KMT2A: variants seen among roughly 807,000 people sequenced by gnomAD.
KMT2A encodes histone-lysine N-methyltransferase 2A.
In KMT2A, 16 loss-of-function variants were observed where a neutral mutation model predicts 345.3. The ratio of observed to expected loss-of-function variants is 0.05; its 90% CI spans 0.03 to 0.07. KMT2A has a LOEUF of 0.07. Among genes scored for constraint, KMT2A ranks in the 10% least tolerant of loss-of-function variants. The pLI is 1.00. For synonymous variants in KMT2A, 1,599 were observed against 1,778.6 expected, an observed-to-expected ratio of 0.90 and a Z score of 2.54; for missense variants, 3,272 against 4,841.6, an observed-to-expected ratio of 0.68 and a Z score of 9.62.
In KMT2A at chr11:118,490,611, A is replaced by C. The variant is rs1006221973; in HGVS notation, c.4696+362A>C. ...AAAATATTAATATAACTAATACATT[A>C]AACCTGTTATATTACTGACTTAGGA... On this transcript the variant is annotated intron_variant, in intron 13 of 35. Transcript: ENST00000534358. This position sits in a 1 kb window ranked among gnomAD's most constrained non-coding sequence, Gnocchi z 4.2. Among the ~76,000 whole-genome samples the C allele has an allele frequency of 6.6e-6, 1 of 152,100 alleles. No homozygotes were observed. The highest frequency in any genetic ancestry group is 1.5e-5 in the Non-Finnish European group (1 of 68,014).
rs1555044474 is a variant in KMT2A, at chr11:118,497,945, C to T, written c.5674C>T (p.Arg1892Cys). Residue 1892 changes from arginine to cysteine, a missense_variant, in exon 21 of 36, where the codon CGT (arginine) becomes TGT (cysteine). Physicochemically the swap from Arg to Cys is radical, Grantham distance 180. Around this residue, in one of 27 missense-constraint regions of KMT2A, gnomAD observed 235 missense variants for 503.4 expected, o/e 0.47. Coordinates refer to ENST00000534358, the MANE Select transcript of KMT2A (RefSeq NM_001197104.2). The surrounding 1 kb of genome is among the most constrained non-coding windows in gnomAD (Gnocchi z 4.8). ...TCTCTTTATTTTATAGGATGCTGGT[C>T]GTTTACTATATATTGGCCAAAATGA... ...YGDDSANDAG[R>C]LLYIGQNEWT... 2 of 1,610,670 alleles carry T rather than the reference C, an allele frequency of 1.2e-6. No homozygotes were observed.
chr11:118,512,237 C>G, intron 31 of KMT2A: 1 of 577,510 alleles, frequency 1.7e-6, no homozygotes, highest in East Asian at 2.9e-5. Flanking sequence ...CACCACTACT[C>G]TATAATTCTA....
chr11:118,488,460 A>G (rs1368706362), intron 10 of KMT2A, 154 bp from the exon 11 acceptor site: 3 of 769,210 alleles, frequency 3.9e-6, no homozygotes, highest in Non-Finnish European at 4.5e-6. Flanking sequence ...CCAATACTGT[A>G]CTTTTTTACA....
chr11:118,522,997 T>A lies in KMT2A; in HGVS notation c.*825T>A, dbSNP rs1951004192. ...AGGACACTCCCTGCTGGGCATAGGA[T>A]GTGCCTGCAAAAAGTTCCCTGAGCC... On this transcript the variant is annotated 3_prime_UTR_variant, in exon 36 of 36. Coordinates refer to ENST00000534358, the MANE Select transcript of KMT2A (RefSeq NM_001197104.2). This position sits in a 1 kb window ranked among gnomAD's most constrained non-coding sequence, Gnocchi z 5.4. 1 of 222,436 alleles carries A rather than the reference T, an allele frequency of 4.5e-6. No homozygotes were observed. 13.8% of individuals were successfully genotyped at this position (222,436 alleles called of 1,614,324 possible).
In KMT2A at chr11:118,482,503, G is replaced by T; in HGVS notation, c.4086+8G>T. The stretch of plus-strand genomic sequence containing the variant: ...CAAAAACCAAAAGAAAAGGTGAGGA[G>T]AGATTTGTTTCTCTGCCATTTCTCA... On this transcript the variant is annotated splice_region_variant and intron_variant, in intron 8 of 35. Transcript: ENST00000534358. The T allele has an allele frequency of 6.3e-7, 1 of 1,597,090 alleles. No individual in the cohort carries two copies. Among genetic ancestry groups the T allele is most frequent in the South Asian group, 1.1e-5 (1 of 90,570 alleles).
At chr11:118,506,775 T>C (rs1950592043) in intron 27 of KMT2A, 129 bp downstream of exon 27, 1 of 930,828 alleles carries the variant, frequency 1.1e-6, no homozygotes. Flanking sequence ...TTTTCCGGGT[T>C]TTGACTTTTT....
chr11:118,495,858 CA>C lies in KMT2A; in HGVS notation c.5524del (p.Thr1842LeufsTer11). 6.2e-7 allele frequency: 1 copy of C among 1,613,932 alleles called. No individual in the cohort carries two copies. The highest frequency in any genetic ancestry group is 8.5e-7 in the Non-Finnish European group (1 of 1,179,922). ...AAAGGTCCTGGAGAACCAGACTCACCAACTCCTCTGCATCCTCCTACACCAC... is the reference window on the plus strand; with the variant it reads ...AAAGGTCCTGGAGAACCAGACTCACCACTCCTCTGCATCCTCCTACACCAC... ...KPKGPGEPDSPTPLHPPTPPI... is the reference protein window; with the variant it reads ...KPKGPGEPDSXTPLHPPTPPI... On this transcript the variant is annotated frameshift_variant, in exon 19 of 36. Transcript: ENST00000534358. LOFTEE classifies it high-confidence loss of function. The surrounding 1 kb of genome is among the most constrained non-coding windows in gnomAD (Gnocchi z 4.1).
intron 1 of KMT2A, chr11:118,448,394 A>C (rs1555027781): frequency 6.6e-6 from 1 of 152,184 alleles, no homozygotes; most frequent in South Asian, 2.1e-4. Context: ...TAGTATTATA[A>C]AAGCCTCTGA....
At chr11:118,450,941 A>G (rs1949523321) in intron 1 of KMT2A, among the ~76,000 whole-genome samples, 1 of 152,314 alleles carries the variant, frequency 6.6e-6, no homozygotes, top group South Asian at 2.1e-4. Context: ...CTGATTGAGC[A>G]GCATTATTTT....
At chr11:118,488,266 A>G (rs1234597505) in intron 10 of KMT2A, among the ~76,000 whole-genome samples, 1 of 152,226 alleles carries the variant, frequency 6.6e-6, no homozygotes, top group Non-Finnish European at 1.5e-5. Flanking sequence ...TGTTTCGTAT[A>G]TTACAGAAAA....
chr11:118,496,957 AGTTTTTTGT>A lies in KMT2A; in HGVS notation c.5664+600_5664+608del, dbSNP rs1469514059. The stretch of plus-strand genomic sequence containing the variant: ...CACAGTAAGCTACAATTTTTTTAAA[AGTTTTTTGT>A]GTTTTTTGTTTTGTTTTGTTTTGTT... On this transcript the variant is annotated intron_variant, in intron 20 of 35. Coordinates refer to ENST00000534358, the MANE Select transcript of KMT2A (RefSeq NM_001197104.2). This position sits in a 1 kb window ranked among gnomAD's most constrained non-coding sequence, Gnocchi z 4.7. 6.6e-6 allele frequency among the ~76,000 whole-genome samples: 1 copy of A among 152,060 alleles called. No homozygotes were observed. Among genetic ancestry groups the A allele is most frequent in the African/African-American group, 2.4e-5 (1 of 41,404 alleles).
At chr11:118,451,730 AGTC>A (rs1371552906) in intron 1 of KMT2A, among the ~76,000 whole-genome samples, 1 of 150,504 alleles carries the variant, frequency 6.6e-6, no homozygotes, top group Non-Finnish European at 1.5e-5. Context: ...AGGCTCAAGC[AGTC>A]GTCCTGCCTT....
chr11:118,490,194 A>T lies in KMT2A; in HGVS notation c.4641A>T (p.Ala1547=), dbSNP rs201494411. 66 of 1,600,668 alleles carry T rather than the reference A, an allele frequency of 4.1e-5. No homozygotes were observed. Among genetic ancestry groups the T allele is most frequent in the Non-Finnish European group, 5.2e-5 (61 of 1,176,496 alleles). Residue 1547 remains alanine (A), a synonymous_variant, in exon 13 of 36, where the codon GCA becomes GCT. Coordinates refer to ENST00000534358, the MANE Select transcript of KMT2A (RefSeq NM_001197104.2). The surrounding 1 kb of genome is among the most constrained non-coding windows in gnomAD (Gnocchi z 4.2). ...CAACTCCAGGCAAAGGGTGGGATGC[A>T]CAGTGGTCTCATGATTTCTCACTGT... ...GSTTPGKGWD[A]QWSHDFSLCH...
rs953611616 is a variant in KMT2A, at chr11:118,496,805, G to A, written c.5664+438G>A. On this transcript the variant is annotated intron_variant, in intron 20 of 35. Transcript: ENST00000534358. This position sits in a 1 kb window ranked among gnomAD's most constrained non-coding sequence, Gnocchi z 4.7. ...CTTAACTGCCTACTTATTGACTTTG[G>A]CAAGTAGTTTAACCTCTCTGACCCT... Among the ~76,000 whole-genome samples, 2 of 152,118 alleles carry A rather than the reference G, an allele frequency of 1.3e-5. No homozygotes were observed. The highest frequency in any genetic ancestry group is 1.5e-5 in the Non-Finnish European group (1 of 68,034).
chr11:118,477,813 T>C (rs1312337885), intron 4 of KMT2A, among the ~76,000 whole-genome samples, 154 bp from the exon 5 acceptor site: 4 of 152,126 alleles, frequency 2.6e-5, no homozygotes, highest in African/African-American at 9.7e-5. Context: ...GGCCAAGTTA[T>C]TGGCATTTTT....
intron 31 of KMT2A, among the ~76,000 whole-genome samples, chr11:118,515,015 C>G (rs1026871510): frequency 6.6e-6 from 1 of 152,214 alleles, no homozygotes; most frequent in African/African-American, 2.4e-5. Flanking sequence ...GATCTGCCCA[C>G]CTCGGCCTCC....
At position 118,512,032 on chromosome 11, in the gene KMT2A, G is replaced by C; in HGVS notation, c.11146+7G>C. 1 of 1,612,434 alleles carries C rather than the reference G, an allele frequency of 6.2e-7. No individual in the cohort carries two copies. Among genetic ancestry groups the C allele is most frequent in the Non-Finnish European group, 8.5e-7 (1 of 1,178,462 alleles). On this transcript the variant is annotated splice_region_variant and intron_variant, in intron 31 of 35. Transcript: ENST00000534358. Reference sequence around the variant, plus strand: ...AAGCAGCTCTCATTTGCAGGTAATGGCTGGAGGTGTTATTCCACTCCTGTC... The same window carrying C: ...AAGCAGCTCTCATTTGCAGGTAATGCCTGGAGGTGTTATTCCACTCCTGTC...
rs1221995719 is a variant in KMT2A, at chr11:118,497,764, G to A, written c.5665-172G>A. 6.6e-6 allele frequency among the ~76,000 whole-genome samples: 1 copy of A among 152,152 alleles called. No individual in the cohort carries two copies. Among genetic ancestry groups the A allele is most frequent in the South Asian group, 2.1e-4 (1 of 4,824 alleles). ...TGGAAAAAGTAATCTTGAAAAGAAG[G>A]AAGTGGAAACAGAGCAACGTTGCAA... is the stretch of plus-strand genomic sequence containing the variant. On this transcript the variant is annotated intron_variant, in intron 20 of 35. Transcript: ENST00000534358. This position sits in a 1 kb window ranked among gnomAD's most constrained non-coding sequence, Gnocchi z 4.8.
chr11:118,440,144 C>G (rs1394995300), intron 1 of KMT2A, among the ~76,000 whole-genome samples: 2 of 152,176 alleles, frequency 1.3e-5, no homozygotes, highest in East Asian at 3.8e-4. Context: ...TGAATAATGA[C>G]TATAACTTGC....
Sources: gnomAD v4.1 joint callset for allele counts (sites outside exome capture counted in the v4.1 genomes callset) on GRCh38, gnomAD v4.1.1 for gene constraint, gnomAD v4.1.1 regional missense constraint, Gnocchi (gnomAD v3.1) non-coding constraint, MANE v1.5 for transcripts, NCBI Gene and HGNC (gene_info 2026-07-23, HGNC 2026-07-21) for gene names.